The following ZMAT4 variants were observed in gnomAD, a reference collection of about 807,000 sequenced individuals.
ZMAT4 encodes the protein zinc finger matrin-type protein 4.
A neutral mutation model predicts 28.7 loss-of-function variants in ZMAT4; 17 were observed. That is an observed-to-expected ratio of 0.59 (90% CI 0.41 to 0.89). The LOEUF (loss-of-function observed/expected upper bound fraction) is 0.89, where lower values mean the gene tolerates loss of function less well. Ranked by LOEUF, ZMAT4 falls within the 40% of genes least tolerant of loss-of-function variation. ZMAT4 has a pLI of 0.00. For synonymous variants in ZMAT4, 117 were observed against 109.2 expected, an observed-to-expected ratio of 1.07 and a Z score of -0.44; for missense variants, 240 against 283.8, an observed-to-expected ratio of 0.85 and a Z score of 1.11.
chr8:40,728,348 C>T (rs1811392517), intron 3 of ZMAT4, among the ~76,000 whole-genome samples: 1 of 152,188 alleles, frequency 6.6e-6, no homozygotes, highest in Admixed American at 6.5e-5. Flanking sequence ...TACCTTAACA[C>T]AGTATAAATT....
At chr8:40,848,449 T>A (rs1388499660) in intron 1 of ZMAT4, among the ~76,000 whole-genome samples, 2 of 152,180 alleles carry the variant, frequency 1.3e-5, no homozygotes, top group South Asian at 2.1e-4. Context: ...TTTGGAAGAA[T>A]CTGAACCTCT....
At chr8:40,846,802 G>A (rs987584304) in intron 1 of ZMAT4, among the ~76,000 whole-genome samples, 1 of 152,118 alleles carries the variant, frequency 6.6e-6, no homozygotes, top group African/African-American at 2.4e-5. Context: ...AATGTTTAAC[G>A]GCAGGAGGAG....
intron 6 of ZMAT4, among the ~76,000 whole-genome samples, chr8:40,533,593 A>T (rs1864379): frequency 0.043 from 6,484 of 152,322 alleles, 477 homozygotes; most frequent in African/African-American, 0.15. Flanking sequence ...AACACAGAGC[A>T]TATGTTGAAA....
chr8:40,583,481 G>C (rs941291578), intron 5 of ZMAT4, among the ~76,000 whole-genome samples: 2 of 152,226 alleles, frequency 1.3e-5, no homozygotes, highest in East Asian at 3.9e-4. Context: ...GGCTAATCTA[G>C]GTGCTTAAAG....
At chr8:40,712,885 T>C (rs1810688627) in intron 3 of ZMAT4, among the ~76,000 whole-genome samples, 2 of 152,106 alleles carry the variant, frequency 1.3e-5, no homozygotes, top group South Asian at 4.2e-4. Flanking sequence ...CTAATTGAAT[T>C]AGCCAACAGC....
rs149236385 is a variant in ZMAT4 at position 40,838,714 on chromosome 8, G to A, written c.-4-13034C>T. On this transcript the variant is annotated intron_variant, in intron 1 of 6. Coordinates refer to ENST00000297737, the MANE Select transcript of ZMAT4 (RefSeq NM_024645.3). Reference sequence around the variant, plus strand: ...CCTGCCCCTCCTAACACCCTCTCACGCTTGCCAGGTGGGGGAAAGAAGACC... The same window carrying A: ...CCTGCCCCTCCTAACACCCTCTCACACTTGCCAGGTGGGGGAAAGAAGACC... Among the ~76,000 whole-genome samples the A allele has an allele frequency of 1.9e-3, 283 of 152,168 alleles. 1 individual carries two copies. The highest frequency in any genetic ancestry group is 1.9e-3 in the East Asian group (10 of 5,160).
intron 3 of ZMAT4, among the ~76,000 whole-genome samples, chr8:40,699,426 C>T (rs1810033762): frequency 6.6e-6 from 1 of 152,050 alleles, no homozygotes; most frequent in Non-Finnish European, 1.5e-5. Flanking sequence ...ATAGAACTAT[C>T]ATGTGATCCA....
Position 40,874,532 on chromosome 8 carries a change from A to G in ZMAT4, c.-5+23151T>C, listed in dbSNP as rs577839742. 5.3e-5 allele frequency among the ~76,000 whole-genome samples: 8 copies of G among 152,358 alleles called. No individual in the cohort carries two copies. In the East Asian group the frequency reaches 1.3e-3, roughly 26 times the overall value. On this transcript the variant is annotated intron_variant, in intron 1 of 6. Coordinates refer to ENST00000297737, the MANE Select transcript of ZMAT4 (RefSeq NM_024645.3). Reference sequence around the variant, plus strand: ...TCACAGTTGGGTCTCTGGCACACCCAGAGAAGAGCAGTCCCTAAACTACAC... The same window carrying G: ...TCACAGTTGGGTCTCTGGCACACCCGGAGAAGAGCAGTCCCTAAACTACAC...
intron 5 of ZMAT4, among the ~76,000 whole-genome samples, chr8:40,587,038 G>A (rs1355098641): frequency 4.6e-5 from 7 of 151,624 alleles, no homozygotes; most frequent in Admixed American, 3.9e-4. Flanking sequence ...GAGCTATCCA[G>A]GGGTAGCAAG....
At chr8:40,551,624 G>T (rs76124471) in intron 6 of ZMAT4, among the ~76,000 whole-genome samples, 5,497 of 152,206 alleles carry the variant, frequency 0.036, 185 homozygotes, top group East Asian at 0.13. Flanking sequence ...ACTCCAAAAA[G>T]AAAATCACCA....
At chr8:40,826,243 C>T (rs986479748) in intron 1 of ZMAT4, among the ~76,000 whole-genome samples, 1 of 152,282 alleles carries the variant, frequency 6.6e-6, no homozygotes, top group Admixed American at 6.5e-5. Context: ...CACTAGAAAA[C>T]TATGTGGCTT....
chr8:40,793,980 C>T (rs752257772), intron 2 of ZMAT4, among the ~76,000 whole-genome samples: 2 of 152,204 alleles, frequency 1.3e-5, no homozygotes, highest in Admixed American at 6.5e-5. Context: ...TCTCCCCACC[C>T]GCTGGTATTC....
intron 2 of ZMAT4, among the ~76,000 whole-genome samples, chr8:40,778,819 A>G (rs891267650): frequency 1.3e-5 from 2 of 152,230 alleles, no homozygotes; most frequent in Non-Finnish European, 2.9e-5. Flanking sequence ...AATTGATGGC[A>G]TGATGAAAGA....
At chr8:40,813,228 A>T (rs1243975863) in intron 2 of ZMAT4, among the ~76,000 whole-genome samples, 1 of 152,200 alleles carries the variant, frequency 6.6e-6, no homozygotes, top group East Asian at 1.9e-4. Context: ...AAGAACATAT[A>T]TAAATAAAAG....
chr8:40,630,698 A>G (rs1806542828), intron 5 of ZMAT4, among the ~76,000 whole-genome samples: 1 of 152,232 alleles, frequency 6.6e-6, no homozygotes, highest in African/African-American at 2.4e-5. Flanking sequence ...GTTAATGCAT[A>G]CATGTGCACG....
intron 6 of ZMAT4, among the ~76,000 whole-genome samples, chr8:40,556,770 A>G (rs984914080): frequency 6.6e-6 from 1 of 152,180 alleles, no homozygotes; most frequent in Non-Finnish European, 1.5e-5. Flanking sequence ...AAAATGTGTA[A>G]TGATCAGGTC....
chr8:40,752,227 C>T (rs1400439827), intron 3 of ZMAT4, among the ~76,000 whole-genome samples: 1 of 152,240 alleles, frequency 6.6e-6, no homozygotes, highest in African/African-American at 2.4e-5. Flanking sequence ...AACCCAGCCC[C>T]CTCTCCTGGC....
At chr8:40,688,828 GA>G (rs1466793689) in intron 4 of ZMAT4, among the ~76,000 whole-genome samples, 2 of 152,226 alleles carry the variant, frequency 1.3e-5, no homozygotes, top group Non-Finnish European at 2.9e-5. Context: ...TCATTAAAAT[GA>G]GAGGAAATTT....
intron 1 of ZMAT4, among the ~76,000 whole-genome samples, chr8:40,895,499 G>A (rs946185304): frequency 1.3e-5 from 2 of 152,242 alleles, no homozygotes; most frequent in African/African-American, 4.8e-5. Context: ...TTGGTCTAAA[G>A]TTGTTATTTT....
Sources: gnomAD v4.1 joint callset for allele counts (sites outside exome capture counted in the v4.1 genomes callset) on GRCh38, gnomAD v4.1.1 for gene constraint, MANE v1.5 for transcripts, NCBI Gene and HGNC (gene_info 2026-07-23, HGNC 2026-07-21) for gene names.